NARS2: variants seen among roughly 807,000 people sequenced by gnomAD.
The protein encoded by NARS2 is asparaginyl-tRNA synthetase 2, mitochondrial, also known as asparaginyl-tRNA synthetase.
A neutral mutation model predicts 62.9 loss-of-function variants in NARS2; 60 were observed. The ratio of observed to expected loss-of-function variants is 0.95; its 90% CI spans 0.77 to 1.18. NARS2 has a LOEUF of 1.18. Among genes scored for constraint, NARS2 ranks in the 50% most tolerant of loss-of-function variants. The probability of loss-of-function intolerance (pLI) is 0.00; values close to 1 mark genes in which losing one functional copy is unlikely to be tolerated. For synonymous variants in NARS2, 196 were observed against 200.0 expected (o/e 0.98, Z 0.17); for missense variants, 619 against 576.4 (o/e 1.07, Z -0.76).
intron 6 of NARS2, among the ~76,000 whole-genome samples, chr11:78,505,626 T>C (rs1019086594): frequency 5.3e-5 from 8 of 152,170 alleles, no homozygotes; most frequent in Admixed American, 2.0e-4. Context: ...CCTGAAGTCA[T>C]ATTGATTTAT....
At position 78,459,259 on chromosome 11, in the gene NARS2, T is replaced by G. The variant is rs1236772858; in HGVS notation, c.1164+6617A>C. ...GTTTTTTTTGTCGTTGTTTTTTTTT[T>G]GTTTTGTTTTGTTTGTTTTTTTTAA... On this transcript the variant is annotated intron_variant, in intron 11 of 13. Transcript: ENST00000281038. Among the ~76,000 whole-genome samples, 7 of 149,430 alleles carry G rather than the reference T, an allele frequency of 4.7e-5. 2 individuals carry two copies. Among genetic ancestry groups the G allele is most frequent in the African/African-American group, 1.8e-4 (7 of 39,754 alleles).
intron 5 of NARS2, among the ~76,000 whole-genome samples, chr11:78,541,835 G>T (rs1316430292): frequency 6.6e-6 from 1 of 152,142 alleles, no homozygotes; most frequent in Non-Finnish European, 1.5e-5. Context: ...TGCTATCATT[G>T]CTGCAGAAAT....
chr11:78,546,212 T>G (rs1214557756), intron 5 of NARS2, among the ~76,000 whole-genome samples: 1 of 152,232 alleles, frequency 6.6e-6, no homozygotes, highest in Non-Finnish European at 1.5e-5. Context: ...CTGAAACAGC[T>G]GAAGTGTAGC....
chr11:78,521,331 T>C (rs748536269), intron 6 of NARS2, among the ~76,000 whole-genome samples: 2 of 151,878 alleles, frequency 1.3e-5, no homozygotes, highest in Admixed American at 1.3e-4. Context: ...TGCTTGGTTT[T>C]TGGTTTTTTT....
intron 5 of NARS2, among the ~76,000 whole-genome samples, chr11:78,555,587 T>C (rs1856321478): frequency 6.6e-6 from 1 of 152,162 alleles, no homozygotes; most frequent in Admixed American, 6.5e-5. Flanking sequence ...CTCTTCCTAA[T>C]TAGTCTAGCT....
chr11:78,499,525 T>C (rs1248681602), intron 6 of NARS2, among the ~76,000 whole-genome samples: 1 of 152,218 alleles, frequency 6.6e-6, no homozygotes, highest in Non-Finnish European at 1.5e-5. Context: ...AATAATTCTG[T>C]TCTGCGAAAT....
At chr11:78,442,785 T>C (rs1196179187) in intron 12 of NARS2, among the ~76,000 whole-genome samples, 1 of 152,154 alleles carries the variant, frequency 6.6e-6, no homozygotes, top group African/African-American at 2.4e-5. Flanking sequence ...ACATTCTCTA[T>C]GTGTTTACAG....
intron 11 of NARS2, among the ~76,000 whole-genome samples, chr11:78,450,778 G>C (rs1350712436): frequency 2.7e-5 from 4 of 148,426 alleles, no homozygotes; most frequent in Non-Finnish European, 4.4e-5. Flanking sequence ...AGGTTCAAGT[G>C]ATTCTCCTGC....
intron 5 of NARS2, chr11:78,546,586 C>A (rs1419109466): frequency 6.6e-6 from 1 of 152,226 alleles, no homozygotes; most frequent in African/African-American, 2.4e-5. Flanking sequence ...TCCTCCAGCA[C>A]ATGTCATGTA....
intron 11 of NARS2, among the ~76,000 whole-genome samples, chr11:78,458,569 CAA>C (rs1277243612): frequency 6.6e-6 from 1 of 152,186 alleles, no homozygotes; most frequent in African/African-American, 2.4e-5. Flanking sequence ...CTACCACTCA[CAA>C]AATTAAAGAT....
At chr11:78,513,325 C>T (rs371233565) in intron 6 of NARS2, among the ~76,000 whole-genome samples, 387 of 148,366 alleles carry the variant, frequency 2.6e-3, no homozygotes, top group Non-Finnish European at 3.8e-3. Flanking sequence ...GTATAAAATA[C>T]TAAGGTCTTA....
At chr11:78,512,842 T>A (rs894635130) in intron 6 of NARS2, among the ~76,000 whole-genome samples, 1 of 152,204 alleles carries the variant, frequency 6.6e-6, no homozygotes, top group African/African-American at 2.4e-5. Context: ...CATAAGATAT[T>A]GTGTACAGGC....
intron 9 of NARS2, among the ~76,000 whole-genome samples, chr11:78,470,468 TCTTC>T (rs1298831311): frequency 6.6e-6 from 1 of 151,846 alleles, no homozygotes; most frequent in Admixed American, 6.6e-5. Flanking sequence ...TAATACACAA[TCTTC>T]CTTTTTTACA....
rs59664343 is a variant in NARS2, at chr11:78,461,602, T to TAAAA, written c.1164+4270_1164+4273dup. 9.1e-3 allele frequency among the ~76,000 whole-genome samples: 584 copies of TAAAA among 64,056 alleles called. 32 individuals are homozygous for TAAAA. The highest frequency in any genetic ancestry group is 0.034 in the African/African-American group (561 of 16,396). 42.0% of individuals were successfully genotyped at this position (64,056 alleles called of 152,430 possible). A position where few individuals can be genotyped will look rare whatever the true frequency, so the allele number is the denominator to read the frequency against. ...GAATGAGTGGGAGATGCTGTGCTGG[T>TAAAA]AAAAAAAAAAAAAAAAAAAAAAAAA... On this transcript the variant is annotated intron_variant, in intron 11 of 13. Transcript: ENST00000281038.
At chr11:78,554,912 T>C (rs1333341435) in intron 5 of NARS2, among the ~76,000 whole-genome samples, 2 of 152,242 alleles carry the variant, frequency 1.3e-5, no homozygotes, top group African/African-American at 4.8e-5. Flanking sequence ...TTGTCATAGA[T>C]GGCTCTTATT....
chr11:78,506,034 G>C (rs528442322), intron 6 of NARS2, among the ~76,000 whole-genome samples: 2 of 151,774 alleles, frequency 1.3e-5, no homozygotes, highest in East Asian at 3.9e-4. Context: ...GTAAAAATTG[G>C]ATGAAAAAAA....
intron 2 of NARS2, 115 bp from the exon 3 acceptor site, chr11:78,568,867 T>A: frequency 1.3e-6 from 1 of 752,678 alleles, no homozygotes; most frequent in Non-Finnish European, 2.1e-6. Context: ...TTACCCTTAT[T>A]GGGTTAAATA....
Position 78,483,427 on chromosome 11 carries a change from T to C in NARS2, c.823-4744A>G, listed in dbSNP as rs1207493278. ...AAGAAATAAATAAAGGGTATTCAAA[T>C]AGGAAGAGAGGAAGTCAAATTGTCT... On this transcript the variant is annotated intron_variant, in intron 7 of 13. Transcript: ENST00000281038. 5.3e-5 allele frequency among the ~76,000 whole-genome samples: 8 copies of C among 152,136 alleles called. No individual in the cohort carries two copies. The South Asian group carries it at 8.3e-4, about 16-fold the overall frequency.
chr11:78,469,681 G>C (rs537368030), intron 9 of NARS2, among the ~76,000 whole-genome samples: 1 of 152,104 alleles, frequency 6.6e-6, no homozygotes, highest in South Asian at 2.1e-4. Flanking sequence ...CACCTACTAG[G>C]CACTACACAC....
Sources: gnomAD v4.1 joint callset for allele counts (sites outside exome capture counted in the v4.1 genomes callset) on GRCh38, gnomAD v4.1.1 for gene constraint, MANE v1.5 for transcripts, NCBI Gene and HGNC (gene_info 2026-07-23, HGNC 2026-07-21) for gene names.